The following EIF3H variants were observed in gnomAD, a reference collection of about 807,000 sequenced individuals.
The protein encoded by EIF3H is eukaryotic translation initiation factor 3 subunit H.
In EIF3H, 26 loss-of-function variants were observed where a neutral mutation model predicts 44.2. That is an observed-to-expected ratio of 0.59 (90% CI 0.43 to 0.82). The LOEUF is 0.82. Ranked by LOEUF, EIF3H falls within the 40% of genes least tolerant of loss-of-function variation. The pLI is 0.00. For synonymous variants in EIF3H, 166 were observed against 151.9 expected (o/e 1.09, Z -0.68); for missense variants, 359 against 432.8 (o/e 0.83, Z 1.51).
At chr8:116,718,943 G>A (rs1814697986) in intron 2 of EIF3H, among the ~76,000 whole-genome samples, 1 of 151,790 alleles carries the variant, frequency 6.6e-6, no homozygotes, top group African/African-American at 2.4e-5. Flanking sequence ...AAAGTTAGGT[G>A]TTACATTGTA....
At chr8:116,764,803 G>C (rs1815551937) in intron 1 of EIF3H, among the ~76,000 whole-genome samples, 1 of 152,186 alleles carries the variant, frequency 6.6e-6, no homozygotes, top group Non-Finnish European at 1.5e-5. Flanking sequence ...ACAGGCATGA[G>C]CCACCATGCC....
intron 2 of EIF3H, among the ~76,000 whole-genome samples, chr8:116,677,189 G>A (rs919746008): frequency 8.6e-5 from 13 of 152,038 alleles, no homozygotes; most frequent in East Asian, 1.9e-4. Context: ...TTTTACTTAC[G>A]TCTTTTGCAG....
At chr8:116,665,843 A>G (rs1004769504) in intron 2 of EIF3H, among the ~76,000 whole-genome samples, 3 of 152,254 alleles carry the variant, frequency 2.0e-5, no homozygotes, top group African/African-American at 7.2e-5. Flanking sequence ...CAATGTTCAA[A>G]GCTACTAGCA....
intron 2 of EIF3H, among the ~76,000 whole-genome samples, chr8:116,720,654 G>C (rs1814728160): frequency 6.6e-6 from 1 of 152,192 alleles, no homozygotes; most frequent in Admixed American, 6.5e-5. Context: ...AAAACTGTAG[G>C]AAAGTTTGGA....
At chr8:116,645,290 A>T (rs1294606584) in intron 7 of EIF3H, among the ~76,000 whole-genome samples, 187 bp from the exon 8 acceptor site, 1 of 152,198 alleles carries the variant, frequency 6.6e-6, no homozygotes. Flanking sequence ...GTCCACTCTC[A>T]ATTACATGGA....
intron 1 of EIF3H, among the ~76,000 whole-genome samples, chr8:116,744,373 T>A (rs1041836880): frequency 7.2e-5 from 11 of 152,150 alleles, no homozygotes; most frequent in African/African-American, 2.4e-4. Context: ...GGATTAAAAA[T>A]ATATATATTT....
At chr8:116,728,482 T>C (rs1245995657) in intron 1 of EIF3H, among the ~76,000 whole-genome samples, 1 of 151,966 alleles carries the variant, frequency 6.6e-6, no homozygotes, top group Non-Finnish European at 1.5e-5. Flanking sequence ...AATTGATAGT[T>C]AAAATAACCA....
chr8:116,695,298 G>A (rs917092015), intron 2 of EIF3H, among the ~76,000 whole-genome samples: 5 of 152,038 alleles, frequency 3.3e-5, no homozygotes, highest in South Asian at 2.1e-4. Flanking sequence ...CGAACTCCTG[G>A]ATCTCCTGGC....
chr8:116,726,606 C>G (rs1474819885), intron 1 of EIF3H, among the ~76,000 whole-genome samples: 1 of 152,172 alleles, frequency 6.6e-6, no homozygotes, highest in Non-Finnish European at 1.5e-5. Context: ...GAAAGCAGAG[C>G]CTTCTGATAA....
intron 5 of EIF3H, among the ~76,000 whole-genome samples, chr8:116,652,943 G>C (rs1813421154): frequency 6.6e-6 from 1 of 152,132 alleles, no homozygotes; most frequent in Non-Finnish European, 1.5e-5. Flanking sequence ...ACTAAGTATA[G>C]GAAATGTCGT....
intron 1 of EIF3H, among the ~76,000 whole-genome samples, chr8:116,755,125 TTC>T (rs949042598): frequency 1.3e-5 from 2 of 152,248 alleles, no homozygotes; most frequent in African/African-American, 4.8e-5. Flanking sequence ...TTTAAGGCCC[TTC>T]TCTTTGATAT....
chr8:116,757,154 T>TA (rs1815462750), upstream of EIF3H, among the ~76,000 whole-genome samples: 1 of 152,166 alleles, frequency 6.6e-6, no homozygotes, highest in Non-Finnish European at 1.5e-5. Context: ...TCCTTGAAAA[T>TA]ATCCAACTAA....
intron 2 of EIF3H, among the ~76,000 whole-genome samples, chr8:116,703,744 A>C (rs1351905286): frequency 1.3e-5 from 2 of 152,122 alleles, no homozygotes; most frequent in African/African-American, 2.4e-5. Flanking sequence ...GTACACAATA[A>C]ATAACAGCAC....
intron 2 of EIF3H, among the ~76,000 whole-genome samples, chr8:116,663,202 A>G (rs1012271499): frequency 6.6e-6 from 1 of 152,188 alleles, no homozygotes. Context: ...CTCACACCTC[A>G]GAAGGAAGAG....
intron 2 of EIF3H, among the ~76,000 whole-genome samples, chr8:116,708,044 G>A (rs1814500537): frequency 6.6e-6 from 1 of 152,044 alleles, no homozygotes; most frequent in African/African-American, 2.4e-5. Flanking sequence ...TTGGTAAGCA[G>A]TATTTGCATT....
chr8:116,673,892 A>C (rs1024228546), intron 2 of EIF3H, among the ~76,000 whole-genome samples: 1 of 151,894 alleles, frequency 6.6e-6, no homozygotes, highest in African/African-American at 2.4e-5. Context: ...AACATGGTGA[A>C]ACCCCGTCGC....
At chr8:116,751,028 C>T (rs1586494724) in intron 1 of EIF3H, among the ~76,000 whole-genome samples, 1 of 151,048 alleles carries the variant, frequency 6.6e-6, no homozygotes, top group African/African-American at 2.4e-5. Flanking sequence ...CCGGCTAAAA[C>T]GGTGAAACCC....
At chr8:116,690,748 G>A (rs74468457) in intron 2 of EIF3H, among the ~76,000 whole-genome samples, 7,306 of 152,212 alleles carry the variant, frequency 0.048, 303 homozygotes, top group Admixed American at 0.15. Flanking sequence ...TTCTCAGTAT[G>A]TAGAAGAAAA....
intron 2 of EIF3H, among the ~76,000 whole-genome samples, chr8:116,701,826 A>T (rs1197301070): frequency 6.6e-6 from 1 of 152,232 alleles, no homozygotes; most frequent in Non-Finnish European, 1.5e-5. Context: ...CCAACATGGC[A>T]TCCCGGACTG....
Sources: gnomAD v4.1 joint callset for allele counts (sites outside exome capture counted in the v4.1 genomes callset) on GRCh38, gnomAD v4.1.1 for gene constraint, MANE v1.5 for transcripts, NCBI Gene and HGNC (gene_info 2026-07-23, HGNC 2026-07-21) for gene names.